HDAC9: variants seen among roughly 807,000 people sequenced by gnomAD.
HDAC9 encodes MEF-2 interacting transcription repressor (MITR) protein.
In HDAC9, 41 loss-of-function variants were observed where a neutral mutation model predicts 139.4. That is an observed-to-expected ratio of 0.29 (90% confidence interval 0.23 to 0.38). HDAC9 has a LOEUF of 0.38. HDAC9 is among the 10% of genes least tolerant of loss of function. The probability of loss-of-function intolerance (pLI) is 1.00; values close to 1 mark genes in which losing one functional copy is unlikely to be tolerated. For missense variants in HDAC9, 1,147 were observed against 1,297.0 expected (o/e 0.88, Z 1.78); for synonymous variants, 517 against 476.2 (o/e 1.09, Z -1.12).
At chr7:18,933,657 G>A (rs1454865354) in intron 22 of HDAC9, among the ~76,000 whole-genome samples, 1 of 151,992 alleles carries the variant, frequency 6.6e-6, no homozygotes, top group Non-Finnish European at 1.5e-5. Context: ...TTAAAAAGGG[G>A]ATAATTAAGG....
intron 1 of HDAC9, among the ~76,000 whole-genome samples, chr7:18,464,730 A>G (rs527746079): frequency 1.3e-5 from 2 of 152,132 alleles, no homozygotes; most frequent in Non-Finnish European, 2.9e-5. Flanking sequence ...TTATCTAGGA[A>G]TATTTTATGC....
At chr7:18,234,609 T>C (rs1418304849) in intron 2 of HDAC9, among the ~76,000 whole-genome samples, 1 of 152,204 alleles carries the variant, frequency 6.6e-6, no homozygotes, top group Non-Finnish European at 1.5e-5. Flanking sequence ...AACTTGATAA[T>C]GAGTGGAAGA....
chr7:18,627,632 A>C (rs1014585690), intron 6 of HDAC9, among the ~76,000 whole-genome samples: 1 of 152,112 alleles, frequency 6.6e-6, no homozygotes, highest in Non-Finnish European at 1.5e-5. Context: ...TGTTGCCACT[A>C]CTGGAAGATC....
At chr7:18,126,387 A>G (rs1391107127) in intron 1 of HDAC9, among the ~76,000 whole-genome samples, 1 of 152,172 alleles carries the variant, frequency 6.6e-6, no homozygotes, top group African/African-American at 2.4e-5. Flanking sequence ...TGAGTCAGAC[A>G]GGCAAGACTT....
chr7:18,989,413 C>T (rs1057448431), intron 25 of HDAC9, among the ~76,000 whole-genome samples: 2 of 151,996 alleles, frequency 1.3e-5, no homozygotes, highest in Admixed American at 6.6e-5. Flanking sequence ...GAGTTTCTGC[C>T]AAGAGATCCG....
intron 2 of HDAC9, among the ~76,000 whole-genome samples, chr7:18,518,775 A>G (rs1487682891): frequency 6.6e-6 from 1 of 152,244 alleles, no homozygotes; most frequent in African/African-American, 2.4e-5. Flanking sequence ...CATGTCATAG[A>G]TATCTTTAAA....
In HDAC9 at chr7:18,183,762, G is replaced by C. The variant is rs75491103; in HGVS notation, c.25+21413G>C. 1.7e-4 allele frequency among the ~76,000 whole-genome samples: 26 copies of C among 152,266 alleles called. 1 individual carries two copies. In the East Asian group the frequency reaches 5.0e-3, roughly 29 times the overall value. ...GGCCTCCCAAAGTGTTGTGATTACA[G>C]ACATGGGCCATCACACCTGGCCATT... On this transcript the variant is annotated intron_variant, in intron 2 of 12. Coordinates refer to the HDAC9 transcript ENST00000417496.
chr7:18,627,032 C>T (rs1291523763), intron 6 of HDAC9, among the ~76,000 whole-genome samples: 1 of 150,516 alleles, frequency 6.6e-6, no homozygotes, highest in Admixed American at 6.6e-5. Context: ...TTTCATAAAC[C>T]CTTCCCTTCT....
chr7:18,168,045 T>C (rs1264166661), intron 2 of HDAC9, among the ~76,000 whole-genome samples: 1 of 152,196 alleles, frequency 6.6e-6, no homozygotes, highest in Admixed American at 6.5e-5. Flanking sequence ...TAAGCCTTTG[T>C]TTATGAATCA....
chr7:18,423,576 T>C (rs892362345), intron 1 of HDAC9, among the ~76,000 whole-genome samples: 1 of 152,262 alleles, frequency 6.6e-6, no homozygotes, highest in African/African-American at 2.4e-5. Flanking sequence ...TTCTGCATTT[T>C]GGACAGTATT....
At chr7:18,770,166 G>A (rs1259456634) in intron 16 of HDAC9, among the ~76,000 whole-genome samples, 1 of 152,076 alleles carries the variant, frequency 6.6e-6, no homozygotes, top group African/African-American at 2.4e-5. Context: ...GGTATTTAAG[G>A]TGCTGTGAAA....
chr7:18,096,301 C>G (rs1782495891), intron 1 of HDAC9, among the ~76,000 whole-genome samples: 1 of 152,206 alleles, frequency 6.6e-6, no homozygotes, highest in Non-Finnish European at 1.5e-5. Context: ...TTCATCCTCA[C>G]CTTTTCTCTA....
intron 1 of HDAC9, among the ~76,000 whole-genome samples, chr7:18,450,470 G>A (rs1187653512): frequency 2.0e-5 from 3 of 152,180 alleles, no homozygotes; most frequent in Non-Finnish European, 2.9e-5. Flanking sequence ...TTCTAACAGA[G>A]CTTGTAAACT....
intron 11 of HDAC9, among the ~76,000 whole-genome samples, chr7:18,661,692 T>A (rs1428854563): frequency 6.6e-6 from 1 of 152,130 alleles, no homozygotes; most frequent in Non-Finnish European, 1.5e-5. Context: ...AAGTTACTGT[T>A]TTATATCAAG....
chr7:18,628,285 T>C (rs1190946470), intron 6 of HDAC9, among the ~76,000 whole-genome samples: 1 of 152,190 alleles, frequency 6.6e-6, no homozygotes, highest in Non-Finnish European at 1.5e-5. Flanking sequence ...CTCTGTAACC[T>C]TGGGCAAGAT....
chr7:18,428,390 T>C (rs1162926097), intron 1 of HDAC9, among the ~76,000 whole-genome samples: 1 of 152,124 alleles, frequency 6.6e-6, no homozygotes. Context: ...ATCTAATAAA[T>C]GGTTAATTTC....
At chr7:18,648,395 A>G in intron 10 of HDAC9, 71 bp from the exon 11 acceptor site, 1 of 1,236,200 alleles carries the variant, frequency 8.1e-7, no homozygotes, top group Non-Finnish European at 1.2e-6. Flanking sequence ...TTTTCTTAAA[A>G]TTGTGTGTGT....
intron 24 of HDAC9, among the ~76,000 whole-genome samples, chr7:18,959,363 T>G (rs754011549): frequency 8.5e-5 from 13 of 152,196 alleles, no homozygotes; most frequent in Non-Finnish European, 1.6e-4. Flanking sequence ...TTATTTAAAT[T>G]TCTTAGTGAG....
At chr7:18,158,781 C>T (rs1291304280) in intron 1 of HDAC9, among the ~76,000 whole-genome samples, 2 of 152,216 alleles carry the variant, frequency 1.3e-5, no homozygotes, top group Non-Finnish European at 1.5e-5. Context: ...TGGAAGACCA[C>T]TACGTATGAT....
Sources: gnomAD v4.1 joint callset for allele counts (sites outside exome capture counted in the v4.1 genomes callset) on GRCh38, gnomAD v4.1.1 for gene constraint, MANE v1.5 for transcripts, NCBI Gene and HGNC (gene_info 2026-07-23, HGNC 2026-07-21) for gene names.